BMP8A: variants seen among roughly 807,000 people sequenced by gnomAD.
BMP8A encodes the protein BMP-8A.
BMP8A carries 14 observed loss-of-function variants against 36.8 expected under a neutral mutation model. The ratio of observed to expected loss-of-function variants is 0.38; its 90% CI spans 0.25 to 0.60. The LOEUF (loss-of-function observed/expected upper bound fraction) is 0.60, where lower values mean the gene tolerates loss of function less well. BMP8A is among the 20% of genes least tolerant of loss of function. The pLI, the probability that BMP8A is intolerant of heterozygous loss-of-function variation, is 0.63. For synonymous variants in BMP8A, 120 were observed against 237.7 expected (o/e 0.50, Z 4.55); for missense variants, 267 against 551.1 (o/e 0.48, Z 5.16).
At chr1:39,504,097 T>C (rs369782296) in intron 1 of BMP8A, among the ~76,000 whole-genome samples, 51 of 152,342 alleles carry the variant, frequency 3.3e-4, no homozygotes, top group African/African-American at 1.2e-3. Flanking sequence ...TGGTATCATA[T>C]TGTCCCATTT....
intron 6 of BMP8A, chr1:39,523,572 C>A (rs557179919): frequency 7.2e-7 from 1 of 1,394,906 alleles, no homozygotes; most frequent in African/African-American, 1.5e-5. Context: ...CTGTGCCGCA[C>A]CACAGGCAGG....
chr1:39,514,807 C>T (rs1332058387), intron 3 of BMP8A: 37 of 1,162,124 alleles, frequency 3.2e-5, no homozygotes, highest in Non-Finnish European at 4.2e-5. Flanking sequence ...TTGCGGGTCG[C>T]GGGCCTGGCC....
intron 1 of BMP8A, among the ~76,000 whole-genome samples, chr1:39,508,140 C>T (rs886518478): frequency 6.6e-6 from 1 of 151,804 alleles, no homozygotes; most frequent in Non-Finnish European, 1.5e-5. Context: ...AGTCCCAGCT[C>T]CTGGGGAGGC....
Position 39,525,853 on chromosome 1 carries a change from A to G in BMP8A, c.*55A>G, listed in dbSNP as rs535454434. 451 of 1,607,650 alleles carry G rather than the reference A, an allele frequency of 2.8e-4. No homozygotes were observed. Among genetic ancestry groups the G allele is most frequent in the Non-Finnish European group, 3.7e-4 (431 of 1,178,786 alleles). On this transcript the variant is annotated 3_prime_UTR_variant, in exon 7 of 7. Transcript: ENST00000331593. Reference sequence around the variant, plus strand: ...CCTTCTCATCTGGATCGGGCCCTGCAGAGGCAGAAAACCCTTAAATGCTGT... The same window carrying G: ...CCTTCTCATCTGGATCGGGCCCTGCGGAGGCAGAAAACCCTTAAATGCTGT...
chr1:39,493,604 T>C (rs1645180166), intron 1 of BMP8A, among the ~76,000 whole-genome samples: 1 of 152,232 alleles, frequency 6.6e-6, no homozygotes, highest in South Asian at 2.1e-4. Context: ...TGGCCAAGCC[T>C]CTGCTTCCCG....
chr1:39,523,180 G>A (rs1289778338), intron 6 of BMP8A, 63 bp downstream of exon 6: 2 of 1,573,986 alleles, frequency 1.3e-6, no homozygotes, highest in Non-Finnish European at 1.7e-6. Flanking sequence ...GAGGGGTCTG[G>A]TCCAGCCAGC....
In BMP8A at chr1:39,524,006, ACAC is replaced by A. The variant is rs1645457863; in HGVS notation, c.1059+890_1059+892del. On this transcript the variant is annotated intron_variant, in intron 6 of 6. Transcript: ENST00000331593. This position sits in a 1 kb window ranked among gnomAD's most constrained non-coding sequence, Gnocchi z 4.0. Reference sequence around the variant, plus strand: ...CACACACACACACACACACACACACACACGTGCGCACACAATGCCTTGGTGTGA... The same window carrying A: ...CACACACACACACACACACACACACAGTGCGCACACAATGCCTTGGTGTGA... The A allele has an allele frequency of 6.4e-6, 1 of 155,248 alleles. No homozygotes were observed. The highest frequency in any genetic ancestry group is 6.6e-5 in the Admixed American group (1 of 15,204). 9.6% of individuals were successfully genotyped at this position (155,248 alleles called of 1,614,324 possible). A position where few individuals can be genotyped will look rare whatever the true frequency, so the allele number is the denominator to read the frequency against.
chr1:39,525,854 G>A lies in BMP8A; in HGVS notation c.*56G>A. 1 of 1,607,522 alleles carries A rather than the reference G, an allele frequency of 6.2e-7. No individual in the cohort carries two copies. Among genetic ancestry groups the A allele is most frequent in the Non-Finnish European group, 8.5e-7 (1 of 1,178,742 alleles). On this transcript the variant is annotated 3_prime_UTR_variant, in exon 7 of 7. Transcript: ENST00000331593. ...CTTCTCATCTGGATCGGGCCCTGCA[G>A]AGGCAGAAAACCCTTAAATGCTGTC... is the stretch of plus-strand genomic sequence containing the variant.
chr1:39,506,766 C>G (rs1271006349), intron 1 of BMP8A, among the ~76,000 whole-genome samples: 1 of 152,148 alleles, frequency 6.6e-6, no homozygotes, highest in African/African-American at 2.4e-5. Flanking sequence ...TGTTAACTTT[C>G]CTGTTTGTTA....
chr1:39,519,829 C>T (rs1380847385), intron 3 of BMP8A, among the ~76,000 whole-genome samples: 6 of 142,398 alleles, frequency 4.2e-5, no homozygotes, highest in South Asian at 4.8e-4. Flanking sequence ...TGTGTACATA[C>T]GTGTGTACAT....
chr1:39,500,063 G>T (rs1645240193), intron 1 of BMP8A, among the ~76,000 whole-genome samples: 1 of 152,192 alleles, frequency 6.6e-6, no homozygotes, highest in Non-Finnish European at 1.5e-5. Flanking sequence ...GGCCTTGCCT[G>T]TCACTCCAAC....
At chr1:39,493,714 A>G (rs1466434902) in intron 1 of BMP8A, among the ~76,000 whole-genome samples, 8 of 152,328 alleles carry the variant, frequency 5.3e-5, no homozygotes, top group African/African-American at 1.9e-4. Flanking sequence ...TGGGATCTGT[A>G]TGCTGCCTTT....
intron 5 of BMP8A, 164 bp downstream of exon 5, chr1:39,522,646 TTTGTTG>T (rs59170117): frequency 9.1e-7 from 1 of 1,104,570 alleles, no homozygotes; most frequent in South Asian, 1.8e-5. Flanking sequence ...GAGAAAGGGT[TTTGTTG>T]TTGTTGTTGT....
chr1:39,503,254 G>A (rs1345910844), intron 1 of BMP8A, among the ~76,000 whole-genome samples: 1 of 152,166 alleles, frequency 6.6e-6, no homozygotes, highest in Admixed American at 6.5e-5. Context: ...TGTAGTCCCA[G>A]CTACTTGACA....
At chr1:39,495,286 T>C (rs542833770) in intron 1 of BMP8A, among the ~76,000 whole-genome samples, 1 of 152,324 alleles carries the variant, frequency 6.6e-6, no homozygotes, top group African/African-American at 2.4e-5. Context: ...TCTCGCTGGC[T>C]TCCCACCCAT....
intron 1 of BMP8A, among the ~76,000 whole-genome samples, chr1:39,500,225 G>A (rs1238852510): frequency 1.3e-5 from 2 of 152,190 alleles, no homozygotes; most frequent in Non-Finnish European, 2.9e-5. Flanking sequence ...TCCTACAGTC[G>A]AGGGTATTTT....
At chr1:39,496,336 A>G (rs1348509895) in intron 1 of BMP8A, among the ~76,000 whole-genome samples, 8 of 150,070 alleles carry the variant, frequency 5.3e-5, no homozygotes, top group African/African-American at 2.0e-4. Context: ...CGGGTGTGCT[A>G]GACAGCAACG....
rs116355747 is a variant in BMP8A, at chr1:39,529,577, T to C, written c.*3779T>C. Reference sequence around the variant, plus strand: ...AGTTGCCGCTCTCCACCCCCTGCTTTTTAAAAAAAATTTTTTCTCACGTAA... The same window carrying C: ...AGTTGCCGCTCTCCACCCCCTGCTTCTTAAAAAAAATTTTTTCTCACGTAA... On this transcript the variant is annotated 3_prime_UTR_variant, in exon 7 of 7. Transcript: ENST00000331593. Among the ~76,000 whole-genome samples the C allele has an allele frequency of 0.014, 2,205 of 152,306 alleles. 39 individuals carry two copies. The highest frequency in any genetic ancestry group is 0.05 in the African/African-American group (2,068 of 41,552).
rs748162737 is a variant in BMP8A, at chr1:39,492,313, T to C, written c.322T>C (p.Phe108Leu). Residue 108 changes from phenylalanine (F) to leucine (L), a missense_variant, in exon 1 of 7, where the codon TTC becomes CTC. Phe to Leu is a conservative substitution (Grantham distance 22). Coordinates refer to ENST00000331593, the MANE Select transcript of BMP8A (RefSeq NM_181809.4). ...GGGCCGCGCCGACCTGGTCATGAGC[T>C]TCGTCAACATGGGTGAGTGCGGCCG... ...RLGRADLVMSFVNMVERDRAL... is the reference protein window; with the variant it reads ...RLGRADLVMSLVNMVERDRAL... 7 of 1,560,630 alleles carry C rather than the reference T, an allele frequency of 4.5e-6. No individual in the cohort carries two copies. The highest frequency in any genetic ancestry group is 4.3e-6 in the Non-Finnish European group (5 of 1,164,840).
Sources: gnomAD v4.1 joint callset for allele counts (sites outside exome capture counted in the v4.1 genomes callset) on GRCh38, gnomAD v4.1.1 for gene constraint, Gnocchi (gnomAD v3.1) non-coding constraint, MANE v1.5 for transcripts, NCBI Gene and HGNC (gene_info 2026-07-23, HGNC 2026-07-21) for gene names.